ZNF626: variants seen among roughly 807,000 people sequenced by gnomAD.
The protein encoded by ZNF626 is zinc finger protein 626.
In ZNF626, 4 loss-of-function variants were observed where a neutral mutation model predicts 11.7. The observed-to-expected ratio is 0.34, with a 90% CI of 0.17 to 0.78. ZNF626 has a LOEUF of 0.78. Among genes scored for constraint, ZNF626 ranks in the 30% least tolerant of loss-of-function variants. The pLI, the probability that ZNF626 is intolerant of heterozygous loss-of-function variation, is 0.57. For missense variants in ZNF626, 588 were observed against 587.1 expected (o/e 1.00, Z -0.01); for synonymous variants, 179 against 198.6 (o/e 0.90, Z 0.83).
At chr19:20,625,788 C>A in intron 3 of ZNF626, 138 bp from the exon 4 acceptor site, 1 of 938,368 alleles carries the variant, frequency 1.1e-6, no homozygotes, top group Non-Finnish European at 1.5e-6. Flanking sequence ...GTAATTTCTT[C>A]CTGGACATAT....
chr19:20,640,367 C>T (rs1249559720), intron 3 of ZNF626, among the ~76,000 whole-genome samples: 1 of 150,570 alleles, frequency 6.6e-6, no homozygotes, highest in African/African-American at 2.4e-5. Flanking sequence ...TTCTTAGATA[C>T]AAAATTAAAT....
intron 3 of ZNF626, among the ~76,000 whole-genome samples, chr19:20,634,268 A>G (rs1169727449): frequency 2.0e-5 from 3 of 152,244 alleles, no homozygotes; most frequent in Non-Finnish European, 4.4e-5. Context: ...AATATTAGTA[A>G]GGAAACAGAA....
chr19:20,651,963 T>C (rs1470526229), intron 1 of ZNF626, among the ~76,000 whole-genome samples: 1 of 152,192 alleles, frequency 6.6e-6, no homozygotes, highest in Non-Finnish European at 1.5e-5. Flanking sequence ...GTCATCAGAT[T>C]CTATTTCCTT....
At chr19:20,631,430 T>G (rs868957625) in intron 3 of ZNF626, among the ~76,000 whole-genome samples, 1 of 152,176 alleles carries the variant, frequency 6.6e-6, no homozygotes, top group African/African-American at 2.4e-5. Flanking sequence ...TAAGTCTCTT[T>G]GTAGGTCACT....
In ZNF626 at chr19:20,624,019, G is replaced by C; in HGVS notation, c.*271C>G. The C allele has an allele frequency of 1.6e-6, 1 of 640,528 alleles. No individual in the cohort carries two copies. The highest frequency in any genetic ancestry group is 2.8e-6 in the Non-Finnish European group (1 of 356,682). 39.7% of individuals were successfully genotyped at this position (640,528 alleles called of 1,614,324 possible). On this transcript the variant is annotated 3_prime_UTR_variant, in exon 4 of 4. Coordinates refer to ENST00000601440, the MANE Select transcript of ZNF626 (RefSeq NM_001076675.3). Reference sequence around the variant, plus strand: ...TTTTCCCCATTCATCACATTCACATGGTTTCTCTCCAGTATGAATTATCTT... The same window carrying C: ...TTTTCCCCATTCATCACATTCACATCGTTTCTCTCCAGTATGAATTATCTT...
intron 1 of ZNF626, among the ~76,000 whole-genome samples, chr19:20,654,179 G>A (rs1970178980): frequency 6.6e-6 from 1 of 152,156 alleles, no homozygotes; most frequent in Admixed American, 6.5e-5. Context: ...AGTGGCTCAA[G>A]CCTGTAATCC....
intron 1 of ZNF626, among the ~76,000 whole-genome samples, chr19:20,657,947 G>C (rs1263461995): frequency 1.3e-5 from 2 of 152,126 alleles, no homozygotes; most frequent in Non-Finnish European, 2.9e-5. Flanking sequence ...GCCTAGTTGA[G>C]GGGGGAGGGT....
chr19:20,642,354 C>G (rs1302568523), intron 3 of ZNF626, among the ~76,000 whole-genome samples: 2 of 152,098 alleles, frequency 1.3e-5, no homozygotes, highest in Admixed American at 6.5e-5. Context: ...AATTGCAGCA[C>G]TTTGGAAGGC....
intron 3 of ZNF626, among the ~76,000 whole-genome samples, chr19:20,631,545 CTTCT>C (rs1336413519): frequency 2.4e-4 from 36 of 148,990 alleles, no homozygotes; most frequent in African/African-American, 4.8e-4. Context: ...ATGTAATGGC[CTTCT>C]TTGTCTCTTT....
chr19:20,630,307 G>A (rs1399254701), intron 3 of ZNF626, among the ~76,000 whole-genome samples: 3 of 152,180 alleles, frequency 2.0e-5, no homozygotes, highest in Non-Finnish European at 4.4e-5. Flanking sequence ...ATGAGTTAGG[G>A]AGGATTCCCT....
At chr19:20,660,874 G>A (rs1284562129) in intron 1 of ZNF626, among the ~76,000 whole-genome samples, 1 of 152,132 alleles carries the variant, frequency 6.6e-6, no homozygotes, top group Non-Finnish European at 1.5e-5. Context: ...AAAGGAAAAG[G>A]GGGTAGAAGA....
At chr19:20,633,279 G>C (rs1969928727) in intron 3 of ZNF626, among the ~76,000 whole-genome samples, 1 of 152,074 alleles carries the variant, frequency 6.6e-6, no homozygotes, top group Non-Finnish European at 1.5e-5. Flanking sequence ...ATCTCAAGCT[G>C]CATGCTGGGA....
intron 1 of ZNF626, among the ~76,000 whole-genome samples, chr19:20,655,197 C>G (rs1373437820): frequency 6.6e-6 from 1 of 152,048 alleles, no homozygotes; most frequent in Non-Finnish European, 1.5e-5. Flanking sequence ...AAATAATAAA[C>G]AGAAAGCAAG....
intron 1 of ZNF626, among the ~76,000 whole-genome samples, chr19:20,646,740 G>C (rs2144785067): frequency 6.6e-6 from 1 of 152,290 alleles, no homozygotes; most frequent in South Asian, 2.1e-4. Flanking sequence ...GAAAAGACAT[G>C]TTTAGTTAGA....
In ZNF626 at chr19:20,627,607, T is replaced by C. The variant is rs1322277767; in HGVS notation, c.227-1957A>G. 3.3e-5 allele frequency among the ~76,000 whole-genome samples: 5 copies of C among 151,976 alleles called. No homozygotes were observed. The South Asian group carries it at 6.2e-4, about 19-fold the overall frequency. On this transcript the variant is annotated intron_variant, in intron 3 of 3. Coordinates refer to ENST00000601440, the MANE Select transcript of ZNF626 (RefSeq NM_001076675.3). ...TCTCTTTCAGAAAACCATTTAAATA[T>C]ATATATAATTATCTTTCCAATCAAG... is the stretch of plus-strand genomic sequence containing the variant.
intron 1 of ZNF626, among the ~76,000 whole-genome samples, chr19:20,652,344 T>C (rs1970156227): frequency 6.6e-6 from 1 of 150,696 alleles, no homozygotes; most frequent in South Asian, 2.1e-4. Flanking sequence ...AGTAGACAGT[T>C]TATTTGGGTA....
At chr19:20,633,325 C>T (rs1211841264) in intron 3 of ZNF626, among the ~76,000 whole-genome samples, 1 of 152,170 alleles carries the variant, frequency 6.6e-6, no homozygotes, top group Non-Finnish European at 1.5e-5. Context: ...CAGAGAGGGA[C>T]ATTTAAGTCT....
chr19:20,626,563 C>CA (rs1181951144), intron 3 of ZNF626, among the ~76,000 whole-genome samples: 6 of 152,014 alleles, frequency 3.9e-5, no homozygotes, highest in Non-Finnish European at 7.4e-5. Flanking sequence ...ACTAAAAATA[C>CA]AAAAACTAGC....
chr19:20,637,259 G>A (rs1264110309), intron 3 of ZNF626, among the ~76,000 whole-genome samples: 3 of 151,950 alleles, frequency 2.0e-5, no homozygotes, highest in African/African-American at 7.3e-5. Context: ...AAGGCCAAGG[G>A]GGGAATCACA....
Sources: gnomAD v4.1 joint callset for allele counts (sites outside exome capture counted in the v4.1 genomes callset) on GRCh38, gnomAD v4.1.1 for gene constraint, MANE v1.5 for transcripts, NCBI Gene and HGNC (gene_info 2026-07-23, HGNC 2026-07-21) for gene names.